The following NBEAL1 variants were observed in gnomAD, a reference collection of about 807,000 sequenced individuals.
NBEAL1 encodes the protein neurobeachin-like protein 1.
In NBEAL1, 273 loss-of-function variants were observed where a neutral mutation model predicts 351.3. The ratio of observed to expected loss-of-function variants is 0.78; its 90% CI spans 0.70 to 0.86. The LOEUF (loss-of-function observed/expected upper bound fraction) is 0.86. NBEAL1 is among the 40% of genes least tolerant of loss of function. The pLI is 0.00. For synonymous variants in NBEAL1, 1,050 were observed against 1,086.4 expected (o/e 0.97, Z 0.66); for missense variants, 2,961 against 3,201.3 (o/e 0.92, Z 1.81).
intron 55 of NBEAL1, 48 bp from the exon 56 acceptor site, chr2:203,217,205 A>G (rs1377150650): frequency 7.2e-7 from 1 of 1,380,388 alleles, no homozygotes; most frequent in Non-Finnish European, 9.6e-7. Context: ...CTTTTTTTTA[A>G]TTTTTTCTTA....
rs747528165 is a variant in NBEAL1, at chr2:203,131,953, A to G, written c.3565-20A>G. ...ATTCTTAATTTTCTATATTGAGAATATATTACTTGTCGTGACCAGATTATG... is the reference window on the plus strand; with the variant it reads ...ATTCTTAATTTTCTATATTGAGAATGTATTACTTGTCGTGACCAGATTATG... On this transcript the variant is annotated intron_variant, in intron 25 of 55. Transcript: ENST00000683969. The G allele has an allele frequency of 8.1e-5, 122 of 1,497,454 alleles. No individual in the cohort carries two copies. The highest frequency in any genetic ancestry group is 1.1e-4 in the Non-Finnish European group (119 of 1,119,774). The allele number at this position is 1,497,454 out of a possible 1,614,324, so 92.8% of individuals were successfully genotyped here.
chr2:203,077,996 A>C (rs1315324333), intron 8 of NBEAL1, among the ~76,000 whole-genome samples, 159 bp downstream of exon 8: 2 of 152,192 alleles, frequency 1.3e-5, no homozygotes, highest in African/African-American at 2.4e-5. Context: ...TTTTCCAAAA[A>C]ACCTAAGTAA....
At chr2:203,190,266 A>G (rs1435999703) in intron 45 of NBEAL1, 26 bp from the exon 46 acceptor site, 3 of 1,538,504 alleles carry the variant, frequency 1.9e-6, no homozygotes, top group Non-Finnish European at 1.8e-6. Flanking sequence ...TTCACTCTAT[A>G]GTAAGTTGAC....
intron 51 of NBEAL1, among the ~76,000 whole-genome samples, chr2:203,205,854 C>T (rs1166397097): frequency 1.3e-5 from 2 of 152,196 alleles, no homozygotes; most frequent in Non-Finnish European, 2.9e-5. Context: ...TAGTGCACTA[C>T]GCACTCAGAC....
intron 21 of NBEAL1, 51 bp from the exon 22 acceptor site, chr2:203,126,506 T>A: frequency 8.0e-7 from 1 of 1,253,706 alleles, no homozygotes. Context: ...TATAACTTAA[T>A]GACAGTTATT....
At chr2:203,016,818 G>A (rs2060687899) in intron 2 of NBEAL1, among the ~76,000 whole-genome samples, 1 of 152,154 alleles carries the variant, frequency 6.6e-6, no homozygotes, top group African/African-American at 2.4e-5. Context: ...ATTTTTCTTG[G>A]AATGAACCTT....
At chr2:203,092,057 G>A (rs1465699285) in intron 10 of NBEAL1, among the ~76,000 whole-genome samples, 1 of 152,052 alleles carries the variant, frequency 6.6e-6, no homozygotes, top group Admixed American at 6.6e-5. Context: ...TTTACTTCTA[G>A]TAGAATTACT....
chr2:203,195,618 A>C (rs552619462), intron 47 of NBEAL1, among the ~76,000 whole-genome samples: 1 of 152,334 alleles, frequency 6.6e-6, no homozygotes, highest in African/African-American at 2.4e-5. Context: ...CAGTGAAAGG[A>C]TACAAAGCAA....
At chr2:203,033,966 A>C (rs1408425821) in intron 2 of NBEAL1, among the ~76,000 whole-genome samples, 1 of 152,054 alleles carries the variant, frequency 6.6e-6, no homozygotes, top group Non-Finnish European at 1.5e-5. Context: ...CCCACCCTTG[A>C]CAGAATCAAT....
intron 6 of NBEAL1, chr2:203,061,172 T>A (rs1219530997): frequency 6.6e-6 from 1 of 152,248 alleles, no homozygotes; most frequent in Non-Finnish European, 1.5e-5. Flanking sequence ...GGTTTTTCTC[T>A]ATTGTGAACC....
chr2:203,142,680 G>A (rs980547243), intron 31 of NBEAL1, among the ~76,000 whole-genome samples: 3 of 151,996 alleles, frequency 2.0e-5, no homozygotes, highest in African/African-American at 7.2e-5. Flanking sequence ...GCAAAACATT[G>A]GATATTTAAC....
chr2:203,105,535 C>G (rs562403288), intron 12 of NBEAL1, among the ~76,000 whole-genome samples: 1 of 151,920 alleles, frequency 6.6e-6, no homozygotes, highest in South Asian at 2.1e-4. Context: ...GTTGAAAGGT[C>G]TGCTGTTAGC....
At chr2:203,150,000 A>G (rs1429106918) in intron 34 of NBEAL1, among the ~76,000 whole-genome samples, 1 of 151,994 alleles carries the variant, frequency 6.6e-6, no homozygotes, top group African/African-American at 2.4e-5. Context: ...TTTTTTGGCT[A>G]ATTTGAATAG....
intron 7 of NBEAL1, among the ~76,000 whole-genome samples, chr2:203,071,824 G>A (rs924773573): frequency 1.3e-5 from 2 of 152,210 alleles, no homozygotes; most frequent in African/African-American, 4.8e-5. Context: ...AAGGAATAAA[G>A]GGGTGACAGG....
chr2:203,021,239 C>T (rs1056355444), intron 2 of NBEAL1, among the ~76,000 whole-genome samples: 1 of 152,022 alleles, frequency 6.6e-6, no homozygotes, highest in African/African-American at 2.4e-5. Flanking sequence ...TCTTCAGCCT[C>T]CCAAAGTGCT....
chr2:203,044,891 C>G (rs1417536978), intron 3 of NBEAL1, among the ~76,000 whole-genome samples: 1 of 152,082 alleles, frequency 6.6e-6, no homozygotes, highest in African/African-American at 2.4e-5. Flanking sequence ...CACAGACAAC[C>G]ATTGGTTTAC....
intron 9 of NBEAL1, among the ~76,000 whole-genome samples, 190 bp downstream of exon 9, chr2:203,083,715 T>G (rs972160703): frequency 1.1e-4 from 17 of 152,254 alleles, no homozygotes; most frequent in Non-Finnish European, 2.1e-4. Context: ...CTCTTTGCTT[T>G]AACAATAACA....
rs1315447159 is a variant in NBEAL1, at chr2:203,040,138, T to C, written c.52-1627T>C. The stretch of plus-strand genomic sequence containing the variant: ...AGAGCAAGAGCAAAGAAAAATCCAT[T>C]TGGTTCCAGAAAATCTCCTGAAAAA... On this transcript the variant is annotated intron_variant, in intron 2 of 55. Transcript: ENST00000683969. 4 of 1,374,500 alleles carry C rather than the reference T, an allele frequency of 2.9e-6. No individual in the cohort carries two copies. The East Asian group carries it at 9.1e-5, about 31-fold the overall frequency. 85.1% of individuals were successfully genotyped at this position (1,374,500 alleles called of 1,614,324 possible).
chr2:203,172,607 C>A, intron 40 of NBEAL1, 122 bp from the exon 41 acceptor site: 1 of 802,796 alleles, frequency 1.2e-6, no homozygotes. Context: ...ATATTTACAA[C>A]AGGGAAAAAA....
Sources: gnomAD v4.1 joint callset for allele counts (sites outside exome capture counted in the v4.1 genomes callset) on GRCh38, gnomAD v4.1.1 for gene constraint, MANE v1.5 for transcripts, NCBI Gene and HGNC (gene_info 2026-07-23, HGNC 2026-07-21) for gene names.